LYST: variants seen among roughly 807,000 people sequenced by gnomAD.
The protein encoded by LYST is lysosomal-trafficking regulator.
LYST carries 192 observed loss-of-function variants against 413.6 expected under a neutral mutation model. The ratio of observed to expected loss-of-function variants is 0.46; its 90% CI spans 0.41 to 0.52. LYST has a LOEUF of 0.52. Ranked by LOEUF, LYST falls within the 20% of genes least tolerant of loss-of-function variation. LYST has a pLI of 0.00. For missense variants in LYST, 3,815 were observed against 4,499.9 expected, an observed-to-expected ratio of 0.85 and a Z score of 4.35; for synonymous variants, 1,525 against 1,567.3, an observed-to-expected ratio of 0.97 and a Z score of 0.64.
intron 16 of LYST, among the ~76,000 whole-genome samples, chr1:235,778,098 AATAT>A (rs139907712): frequency 7.8e-5 from 10 of 128,014 alleles, no homozygotes; most frequent in African/African-American, 3.0e-4. Flanking sequence ...AACCCAGTTA[AATAT>A]ATATATATAT....
At position 235,806,642 on chromosome 1, in the gene LYST, T is replaced by C. The variant is rs1672870539; in HGVS notation, c.2494A>G (p.Lys832Glu). 6.2e-7 allele frequency: 1 copy of C among 1,613,986 alleles called. No homozygotes were observed. The highest frequency in any genetic ancestry group is 1.3e-5 in the African/African-American group (1 of 74,930). ...TCAATATCTGGAACTGAGGCATCTT[T>C]CTGTTGCTCCCCTAGGCTGATTATC... ...TLIISLGEQQ[K>E]DASVPDIDGI... The change falls in exon 6 of 53, where the codon AAA (lysine) becomes GAA (glutamate). Residue 832 changes from lysine (K) to glutamate (E), a missense_variant. Transcript: ENST00000389793.
chr1:235,781,867 A>C, intron 15 of LYST, 60 bp downstream of exon 15: 4 of 1,183,540 alleles, frequency 3.4e-6, no homozygotes, highest in Non-Finnish European at 5.0e-6. Flanking sequence ...GTTTCAAAGG[A>C]AAAAAATCTC....
chr1:235,775,490 T>C (rs1040968128), intron 17 of LYST, among the ~76,000 whole-genome samples: 11 of 152,210 alleles, frequency 7.2e-5, no homozygotes, highest in Non-Finnish European at 1.3e-4. Context: ...GATGTATCTA[T>C]AAAAACCACA....
chr1:235,870,388 G>A (rs1453788197), upstream of LYST, among the ~76,000 whole-genome samples: 1 of 152,110 alleles, frequency 6.6e-6, no homozygotes, highest in Admixed American at 6.6e-5. Flanking sequence ...TAAAGCAAAC[G>A]CTGAGCTGCA....
At chr1:235,808,354 T>C in intron 5 of LYST, 101 bp downstream of exon 5, 1 of 1,062,768 alleles carries the variant, frequency 9.4e-7, no homozygotes, top group South Asian at 1.5e-5. Flanking sequence ...GTTAGAAGTT[T>C]AAATGCATAC....
intron 19 of LYST, among the ~76,000 whole-genome samples, chr1:235,771,410 T>G (rs1295720346): frequency 6.6e-6 from 1 of 152,182 alleles, no homozygotes; most frequent in East Asian, 1.9e-4. Context: ...AACCCCAAAT[T>G]TGCCTGCTCT....
intron 4 of LYST, among the ~76,000 whole-genome samples, chr1:235,811,897 A>G (rs1455185078): frequency 6.6e-6 from 1 of 152,180 alleles, no homozygotes; most frequent in Non-Finnish European, 1.5e-5. Flanking sequence ...AAAAGCAGAG[A>G]GTTAGTGAAT....
At chr1:235,767,470 G>A (rs1012636670) in intron 20 of LYST, among the ~76,000 whole-genome samples, 1 of 152,030 alleles carries the variant, frequency 6.6e-6, no homozygotes, top group Non-Finnish European at 1.5e-5. Context: ...TTCCAATTCA[G>A]AACTATTTCT....
chr1:235,759,990 G>GT (rs1558202513), intron 22 of LYST, among the ~76,000 whole-genome samples: 1 of 152,068 alleles, frequency 6.6e-6, no homozygotes. Context: ...CAAAACATAT[G>GT]TTTTTTCCTG....
At chr1:235,838,457 T>C (rs1468015491) in intron 1 of LYST, among the ~76,000 whole-genome samples, 2 of 152,240 alleles carry the variant, frequency 1.3e-5, no homozygotes, top group African/African-American at 4.8e-5. Flanking sequence ...CTGGGTTATC[T>C]GGAATGAATT....
chr1:235,677,021 G>A (rs1659432321), intron 50 of LYST, 70 bp downstream of exon 50: 1 of 1,065,320 alleles, frequency 9.4e-7, no homozygotes, highest in Non-Finnish European at 1.5e-6. Context: ...CTCGACCTAG[G>A]AGTAACCACT....
At chr1:235,777,641 C>T (rs1160424011) in intron 16 of LYST, among the ~76,000 whole-genome samples, 1 of 152,122 alleles carries the variant, frequency 6.6e-6, no homozygotes, top group African/African-American at 2.4e-5. Context: ...ATACCAGGCA[C>T]TATTCTAAGC....
At chr1:235,732,185 C>A (rs374793881) in intron 34 of LYST, among the ~76,000 whole-genome samples, 1 of 151,972 alleles carries the variant, frequency 6.6e-6, no homozygotes, top group Non-Finnish European at 1.5e-5. Context: ...TTTTGAATGG[C>A]TGCCCAATAA....
chr1:235,690,120 A>G (rs947412885), intron 47 of LYST, among the ~76,000 whole-genome samples: 23 of 152,366 alleles, frequency 1.5e-4, no homozygotes, highest in African/African-American at 5.0e-4. Context: ...AAAACATTCA[A>G]TTAATACTGA....
intron 2 of LYST, among the ~76,000 whole-genome samples, chr1:235,831,580 TC>T (rs1178647085): frequency 6.6e-6 from 1 of 152,148 alleles, no homozygotes; most frequent in Non-Finnish European, 1.5e-5. Context: ...CCAGAGAAAT[TC>T]CTAATACTAC....
At chr1:235,737,921 G>GTAGGTGTA in intron 31 of LYST, 1 of 1,176,874 alleles carries the variant, frequency 8.5e-7, no homozygotes, top group Non-Finnish European at 1.1e-6. Context: ...CGACGAGTCT[G>GTAGGTGTA]GATCTCACTG....
chr1:235,838,515 A>AGG (rs1676823338), intron 1 of LYST, among the ~76,000 whole-genome samples: 1 of 152,246 alleles, frequency 6.6e-6, no homozygotes, highest in African/African-American at 2.4e-5. Flanking sequence ...CTTTAAGTAT[A>AGG]ATATTTGAAA....
Position 235,664,853 on chromosome 1 carries a change from G to C in LYST, c.11039-232C>G, listed in dbSNP as rs1448646221. Among the ~76,000 whole-genome samples the C allele has an allele frequency of 6.6e-6, 1 of 152,226 alleles. No homozygotes were observed. Among genetic ancestry groups the C allele is most frequent in the Non-Finnish European group, 1.5e-5 (1 of 68,048 alleles). On this transcript the variant is annotated intron_variant, in intron 50 of 52. Transcript: ENST00000389793. The surrounding 1 kb of genome is among the most constrained non-coding windows in gnomAD (Gnocchi z 4.5). The stretch of plus-strand genomic sequence containing the variant: ...ACTCTGTCGCCCAGGCTGGAGTGCA[G>C]TGGTGTGATCTTGGCTCACTGTAAC...
At chr1:235,752,897 TA>T (rs1417816182) in intron 26 of LYST, 146 bp downstream of exon 26, 6 of 513,950 alleles carry the variant, frequency 1.2e-5, no homozygotes, top group Admixed American at 3.5e-5. Context: ...CTGTTATTAT[TA>T]TTTTTTTACT....
Sources: allele counts gnomAD v4.1 joint callset (sites outside exome capture counted in the v4.1 genomes callset), GRCh38; gene constraint gnomAD v4.1.1; non-coding constraint Gnocchi (gnomAD v3.1); transcripts MANE v1.5; gene names NCBI Gene and HGNC (gene_info 2026-07-23, HGNC 2026-07-21).